MARCHF4: variants seen among roughly 807,000 people sequenced by gnomAD.
MARCHF4 encodes E3 ubiquitin-protein ligase MARCHF4.
A neutral mutation model predicts 43.9 loss-of-function variants in MARCHF4; 14 were observed. The observed-to-expected ratio is 0.32, with a 90% CI of 0.21 to 0.50. The LOEUF is 0.50. MARCHF4 is among the 20% of genes least tolerant of loss of function. The pLI, the probability that MARCHF4 is intolerant of heterozygous loss-of-function variation, is 0.98. For missense variants in MARCHF4, 468 were observed against 536.7 expected, an observed-to-expected ratio of 0.87 and a Z score of 1.27; for synonymous variants, 226 against 213.3, an observed-to-expected ratio of 1.06 and a Z score of -0.52.
intron 1 of MARCHF4, among the ~76,000 whole-genome samples, chr2:216,334,125 G>A (rs1174907085): frequency 9.9e-5 from 15 of 152,126 alleles, no homozygotes; most frequent in African/African-American, 3.4e-4. Context: ...TAGGAAGATT[G>A]TCCTAGATCA....
intron 2 of MARCHF4, among the ~76,000 whole-genome samples, chr2:216,280,012 C>T (rs1231036700): frequency 6.6e-6 from 1 of 152,132 alleles, no homozygotes; most frequent in Non-Finnish European, 1.5e-5. Flanking sequence ...TCTCTTCATC[C>T]CTAAAACCCC....
intron 1 of MARCHF4, among the ~76,000 whole-genome samples, chr2:216,340,632 G>A (rs892891762): frequency 3.3e-5 from 5 of 152,204 alleles, no homozygotes; most frequent in Non-Finnish European, 7.3e-5. Context: ...GGTTGACAGA[G>A]CATCTCCCAT....
At chr2:216,332,044 GT>G (rs1268018030) in intron 1 of MARCHF4, among the ~76,000 whole-genome samples, 2 of 152,180 alleles carry the variant, frequency 1.3e-5, no homozygotes, top group Non-Finnish European at 2.9e-5. Flanking sequence ...TGCATTATTT[GT>G]AGTCAGTACA....
intron 1 of MARCHF4, among the ~76,000 whole-genome samples, chr2:216,343,608 A>C: frequency 6.6e-6 from 1 of 152,138 alleles, no homozygotes; most frequent in East Asian, 1.9e-4. Context: ...CTGAGCTCCT[A>C]ACTTGTGCTA....
At chr2:216,340,854 C>G (rs1354371164) in intron 1 of MARCHF4, among the ~76,000 whole-genome samples, 1 of 152,188 alleles carries the variant, frequency 6.6e-6, no homozygotes, top group East Asian at 1.9e-4. Flanking sequence ...CTGCACTACC[C>G]CAGTCTACTC....
At chr2:216,308,295 A>G (rs1691622690) in intron 1 of MARCHF4, among the ~76,000 whole-genome samples, 2 of 152,152 alleles carry the variant, frequency 1.3e-5, no homozygotes, top group Admixed American at 1.3e-4. Flanking sequence ...AGTCCCAGCT[A>G]GCTGAGAAGC....
intron 1 of MARCHF4, among the ~76,000 whole-genome samples, chr2:216,350,169 A>G (rs2105978825): frequency 6.6e-6 from 1 of 150,856 alleles, no homozygotes; most frequent in East Asian, 2.0e-4. Context: ...ATGCCATGGC[A>G]TTACACTGTG....
chr2:216,263,553 A>G (rs1409052034), intron 3 of MARCHF4, among the ~76,000 whole-genome samples: 65 of 146,506 alleles, frequency 4.4e-4, no homozygotes, highest in Admixed American at 2.0e-3. Flanking sequence ...GAGAGAGAGA[A>G]AGAAGAAAAA....
intron 1 of MARCHF4, among the ~76,000 whole-genome samples, chr2:216,349,500 T>C (rs1692365992): frequency 6.6e-6 from 1 of 152,076 alleles, no homozygotes; most frequent in Non-Finnish European, 1.5e-5. Context: ...CACAGGTACA[T>C]AGTGATAACA....
At chr2:216,284,498 C>T (rs1447759421) in intron 1 of MARCHF4, among the ~76,000 whole-genome samples, 1 of 152,202 alleles carries the variant, frequency 6.6e-6, no homozygotes, top group Non-Finnish European at 1.5e-5. Flanking sequence ...CAGGATCTCA[C>T]TCTGCTGCCC....
intron 1 of MARCHF4, among the ~76,000 whole-genome samples, chr2:216,323,772 A>G (rs1157272478): frequency 2.0e-5 from 3 of 152,250 alleles, no homozygotes; most frequent in Non-Finnish European, 2.9e-5. Flanking sequence ...CAACGAGAAC[A>G]AAGACACAAC....
At chr2:216,328,320 C>T (rs997107330) in intron 1 of MARCHF4, among the ~76,000 whole-genome samples, 1 of 152,184 alleles carries the variant, frequency 6.6e-6, no homozygotes, top group South Asian at 2.1e-4. Context: ...CAAGTGTGCA[C>T]CACCATGCCC....
chr2:216,261,912 C>T (rs1033448853), intron 3 of MARCHF4, among the ~76,000 whole-genome samples: 1 of 152,092 alleles, frequency 6.6e-6, no homozygotes, highest in African/African-American at 2.4e-5. Context: ...AGTGTGGAGA[C>T]CCAAAAGCCT....
At chr2:216,312,255 C>T (rs4674072) in intron 1 of MARCHF4, among the ~76,000 whole-genome samples, 40,543 of 152,006 alleles carry the variant, frequency 0.27, 6,689 homozygotes, top group East Asian at 0.5. Flanking sequence ...TAATGGCTTC[C>T]GGCTTCATCC....
At chr2:216,280,860 C>A (rs1049809399) in intron 2 of MARCHF4, among the ~76,000 whole-genome samples, 2 of 152,082 alleles carry the variant, frequency 1.3e-5, no homozygotes, top group Admixed American at 6.5e-5. Flanking sequence ...CCCTAATAAG[C>A]ACTAACTAAA....
chr2:216,302,493 G>T (rs1041107941), intron 1 of MARCHF4, among the ~76,000 whole-genome samples: 2 of 151,594 alleles, frequency 1.3e-5, no homozygotes, highest in African/African-American at 4.9e-5. Flanking sequence ...CTCCCAAAGT[G>T]CTGGGATTAC....
chr2:216,270,004 C>A (rs565239232), intron 3 of MARCHF4, among the ~76,000 whole-genome samples: 5 of 152,300 alleles, frequency 3.3e-5, no homozygotes, highest in South Asian at 2.1e-4. Context: ...CTTCAAACAC[C>A]TTTTACTGTT....
intron 2 of MARCHF4, among the ~76,000 whole-genome samples, chr2:216,282,855 T>C (rs528332247): frequency 5.3e-5 from 8 of 152,198 alleles, no homozygotes; most frequent in Non-Finnish European, 1.2e-4. Flanking sequence ...CTTCTATTTC[T>C]TATTGCTCTT....
At chr2:216,338,440 C>T (rs1241560924) in intron 1 of MARCHF4, among the ~76,000 whole-genome samples, 4 of 152,208 alleles carry the variant, frequency 2.6e-5, no homozygotes, top group Non-Finnish European at 5.9e-5. Context: ...CAGGTAGTAG[C>T]TTCAACAGTG....
Sources: gnomAD v4.1 joint callset for allele counts (sites outside exome capture counted in the v4.1 genomes callset) on GRCh38, gnomAD v4.1.1 for gene constraint, MANE v1.5 for transcripts, NCBI Gene and HGNC (gene_info 2026-07-23, HGNC 2026-07-21) for gene names.